The following ADGRF5 variants were observed in gnomAD, a reference collection of about 807,000 sequenced individuals.
ADGRF5 encodes the protein G-protein coupled receptor 116.
Under a neutral mutation model 132.3 loss-of-function variants are expected in ADGRF5, and 75 were observed. That is an observed-to-expected ratio of 0.57 (90% CI 0.47 to 0.69). The LOEUF (loss-of-function observed/expected upper bound fraction) is 0.69. ADGRF5 is among the 30% of genes least tolerant of loss of function. ADGRF5 has a pLI of 0.00. For synonymous variants in ADGRF5, 629 were observed against 597.6 expected (o/e 1.05, Z -0.77); for missense variants, 1,516 against 1,630.6 (o/e 0.93, Z 1.21).
chr6:46,877,382 T>TTTC (rs1562176106), intron 10 of ADGRF5, among the ~76,000 whole-genome samples: 6 of 145,476 alleles, frequency 4.1e-5, no homozygotes, highest in Admixed American at 2.1e-4. Context: ...TCTTTCTTTC[T>TTTC]TTCTTCTTTC....
chr6:46,873,855 C>CA (rs1562168900), intron 10 of ADGRF5, among the ~76,000 whole-genome samples: 1 of 151,806 alleles, frequency 6.6e-6, no homozygotes, highest in African/African-American at 2.4e-5. Flanking sequence ...TTTCCCCAAA[C>CA]AAAAAATCCT....
At chr6:46,921,238 C>T (rs1017034370) in intron 1 of ADGRF5, among the ~76,000 whole-genome samples, 2 of 152,118 alleles carry the variant, frequency 1.3e-5, no homozygotes, top group Admixed American at 6.5e-5. Context: ...GAAGGACTCT[C>T]CCGAAGCTGA....
intron 1 of ADGRF5, among the ~76,000 whole-genome samples, chr6:46,943,498 G>A (rs1778176993): frequency 6.6e-6 from 1 of 152,168 alleles, no homozygotes; most frequent in Non-Finnish European, 1.5e-5. Flanking sequence ...TGATGATGAT[G>A]ATACTATTGC....
At chr6:46,897,770 T>A (rs1422093145) in intron 3 of ADGRF5, among the ~76,000 whole-genome samples, 1 of 152,186 alleles carries the variant, frequency 6.6e-6, no homozygotes, top group Non-Finnish European at 1.5e-5. Flanking sequence ...GGTCTCGAAC[T>A]CCTGACCTCG....
At chr6:46,924,198 T>C (rs1188041644), upstream of ADGRF5, among the ~76,000 whole-genome samples, 1 of 152,178 alleles carries the variant, frequency 6.6e-6, no homozygotes, top group East Asian at 1.9e-4. Flanking sequence ...GTTCCAGGTG[T>C]TATTTCTTCC....
In ADGRF5 at chr6:46,881,508, C is replaced by G. The variant is rs756837409; in HGVS notation, c.761G>C (p.Ser254Thr). The change falls in exon 8 of 21, where the codon AGC becomes ACC. Residue 254 changes from serine to threonine, a missense_variant. Physicochemically the swap from Ser to Thr is moderately conservative, Grantham distance 58. Transcript: ENST00000283296. Reference protein sequence around the residue: ...IHKANEQVVQSLNQTYKMDYN... With the variant: ...IHKANEQVVQTLNQTYKMDYN... ...GTCCATTTTGTAGGTCTGATTGAGG[C>G]TCTGTACAACTTGTTCATTGGCTTT... The G allele has an allele frequency of 1.3e-5, 21 of 1,613,082 alleles. No individual in the cohort carries two copies. The highest frequency in any genetic ancestry group is 2.2e-5 in the South Asian group (2 of 91,052).
At chr6:46,914,452 A>AC (rs1373239625) in intron 1 of ADGRF5, among the ~76,000 whole-genome samples, 4 of 151,958 alleles carry the variant, frequency 2.6e-5, no homozygotes, top group Admixed American at 6.6e-5. Flanking sequence ...CCTTGAAGAC[A>AC]TTTTTTTTCC....
chr6:46,906,846 G>A (rs755392652), intron 1 of ADGRF5, 60 bp from the exon 2 acceptor site: 4 of 789,212 alleles, frequency 5.1e-6, no homozygotes, highest in Non-Finnish European at 9.0e-6. Flanking sequence ...CAAGGAAAAA[G>A]AACTCGCAAG....
intron 9 of ADGRF5, 88 bp downstream of exon 9, chr6:46,879,730 A>G: frequency 1.1e-6 from 1 of 901,010 alleles, no homozygotes; most frequent in Non-Finnish European, 1.8e-6. Context: ...AACACTATCT[A>G]CATAGCTACG....
At chr6:46,878,557 T>C in intron 9 of ADGRF5, 152 bp from the exon 10 acceptor site, 1 of 606,840 alleles carries the variant, frequency 1.6e-6, no homozygotes, top group Non-Finnish European at 2.9e-6. Context: ...AAAAAACCAT[T>C]CAGGAATTCA....
intron 1 of ADGRF5, among the ~76,000 whole-genome samples, chr6:46,929,170 G>A (rs1191077396): frequency 1.3e-5 from 2 of 152,020 alleles, no homozygotes; most frequent in African/African-American, 4.8e-5. Flanking sequence ...CCATAAAAAA[G>A]GATGAGTTCA....
chr6:46,929,905 C>T (rs556814925), intron 1 of ADGRF5, among the ~76,000 whole-genome samples: 17 of 152,246 alleles, frequency 1.1e-4, no homozygotes, highest in African/African-American at 4.1e-4. Context: ...AGTGCAACCT[C>T]CACTTCCCGG....
At chr6:46,918,915 C>T (rs1562239309) in intron 1 of ADGRF5, among the ~76,000 whole-genome samples, 1 of 152,166 alleles carries the variant, frequency 6.6e-6, no homozygotes, top group African/African-American at 2.4e-5. Context: ...AATCTCAACC[C>T]CAGCTGCATT....
chr6:46,924,319 T>G (rs561387229), upstream of ADGRF5, among the ~76,000 whole-genome samples: 48 of 152,328 alleles, frequency 3.2e-4, no homozygotes, highest in African/African-American at 1.1e-3. Context: ...ACAATCCATC[T>G]AATGCATTGA....
intron 15 of ADGRF5, among the ~76,000 whole-genome samples, chr6:46,862,294 A>G (rs1042123924): frequency 2.0e-5 from 3 of 152,220 alleles, no homozygotes; most frequent in African/African-American, 7.2e-5. Flanking sequence ...TCTAACAACA[A>G]ATCAAGTGTG....
At chr6:46,861,618 C>T (rs111690638) in intron 15 of ADGRF5, among the ~76,000 whole-genome samples, 1,583 of 152,228 alleles carry the variant, frequency 0.01, 29 homozygotes, top group African/African-American at 0.034. Flanking sequence ...TGATATTGCT[C>T]CAATTAAATT....
Position 46,902,471 on chromosome 6 carries a change from T to C in ADGRF5, c.103-2388A>G, listed in dbSNP as rs540912250. ...TTACATGTTAAAATCAAGATATATT[T>C]CAATTATCTAATGCAGCATATTTCA... On this transcript the variant is annotated intron_variant, in intron 2 of 20. Transcript: ENST00000283296. Among the ~76,000 whole-genome samples, 22 of 152,336 alleles carry C rather than the reference T, an allele frequency of 1.4e-4. No individual in the cohort carries two copies. The South Asian group carries it at 2.7e-3, about 19-fold the overall frequency.
intron 2 of ADGRF5, among the ~76,000 whole-genome samples, chr6:46,900,325 C>A (rs534648461): frequency 6.6e-6 from 1 of 152,252 alleles, no homozygotes; most frequent in South Asian, 2.1e-4. Context: ...AGACCAGGAA[C>A]AGAAGAAATC....
chr6:46,901,199 T>A (rs370166506), intron 2 of ADGRF5, among the ~76,000 whole-genome samples: 1 of 152,174 alleles, frequency 6.6e-6, no homozygotes, highest in African/African-American at 2.4e-5. Context: ...GTTTCACTCA[T>A]GGGATCACCA....
Sources: gnomAD v4.1 joint callset for allele counts (sites outside exome capture counted in the v4.1 genomes callset) on GRCh38, gnomAD v4.1.1 for gene constraint, MANE v1.5 for transcripts, NCBI Gene and HGNC (gene_info 2026-07-23, HGNC 2026-07-21) for gene names.